Variants in TFAP2A observed in about 807,000 individuals in gnomAD.
The protein encoded by TFAP2A is transcription factor AP-2 alpha, also known as transcription factor AP-2-alpha.
In TFAP2A, 7 loss-of-function variants were observed where a neutral mutation model predicts 41.5. The observed-to-expected ratio is 0.17, with a 90% CI of 0.10 to 0.32. The LOEUF (loss-of-function observed/expected upper bound fraction) is 0.32. Among genes scored for constraint, TFAP2A ranks in the 10% least tolerant of loss-of-function variants. TFAP2A has a pLI of 1.00. For missense variants in TFAP2A, 416 were observed against 563.3 expected, an observed-to-expected ratio of 0.74 and a Z score of 2.65; for synonymous variants, 247 against 242.8, an observed-to-expected ratio of 1.02 and a Z score of -0.16.
chr6:10,416,473 A>C (rs1356194937), upstream of TFAP2A: 3 of 151,726 alleles, frequency 2.0e-5, no homozygotes, highest in Non-Finnish European at 4.4e-5. Context: ...TAGGAAATAC[A>C]GAGTAATTAA....
rs745441531 is a variant in TFAP2A at position 10,409,976 on chromosome 6, G to A, written c.411C>T (p.His137=). Reference sequence around the variant, plus strand: ...GTCCTGAGCTGAGCGCGTGTGGGCCGTGCAGGAGGTCCTCGTGCCGCCTGT... The same window carrying A: ...GTCCTGAGCTGAGCGCGTGTGGGCCATGCAGGAGGTCCTCGTGCCGCCTGT... ...RDYRRHEDLL[H]GPHALSSGLG... is the part of the protein sequence containing the mutation. Residue 137 remains histidine, a synonymous_variant, in exon 2 of 7, where the codon CAC becomes CAT. Coordinates refer to ENST00000379613, the MANE Select transcript of TFAP2A (RefSeq NM_001372066.1). 4 of 1,591,034 alleles carry A rather than the reference G, an allele frequency of 2.5e-6. No individual in the cohort carries two copies. In the East Asian group the frequency reaches 6.9e-5, roughly 27 times the overall value.
chr6:10,404,253 G>A (rs776679888), intron 4 of TFAP2A, among the ~76,000 whole-genome samples: 1 of 152,176 alleles, frequency 6.6e-6, no homozygotes. Context: ...GCGAGCGCGC[G>A]GCAGCGAACG....
Position 10,397,942 on chromosome 6 carries a change from A to C in TFAP2A, c.*475T>G. ...TTTTTTTTTTTTTAAGTATGGCTACAATCTGAACTGAAGTATGTAAGGGAA... is the reference window on the plus strand; with the variant it reads ...TTTTTTTTTTTTTAAGTATGGCTACCATCTGAACTGAAGTATGTAAGGGAA... On this transcript the variant is annotated 3_prime_UTR_variant, in exon 7 of 7. Transcript: ENST00000379613. 1.0e-6 allele frequency: 1 copy of C among 990,258 alleles called. No individual in the cohort carries two copies. The highest frequency in any genetic ancestry group is 4.6e-5 in the South Asian group (1 of 21,578). 61.3% of individuals were successfully genotyped at this position (990,258 alleles called of 1,614,324 possible). A position where few individuals can be genotyped will look rare whatever the true frequency, so the allele number is the denominator to read the frequency against.
chr6:10,411,185 G>T (rs1757952334), intron 1 of TFAP2A, among the ~76,000 whole-genome samples: 1 of 152,136 alleles, frequency 6.6e-6, no homozygotes, highest in Non-Finnish European at 1.5e-5. Flanking sequence ...CGGTTCGGCC[G>T]CAGGTCCCGA....
intron 5 of TFAP2A, among the ~76,000 whole-genome samples, chr6:10,401,772 G>A (rs573711869): frequency 6.6e-6 from 1 of 152,184 alleles, no homozygotes; most frequent in African/African-American, 2.4e-5. Context: ...GGCCAATCTT[G>A]TATCAGAAAA....
chr6:10,411,657 G>C, intron 1 of TFAP2A: 1 of 1,611,366 alleles, frequency 6.2e-7, no homozygotes, highest in Non-Finnish European at 8.5e-7. Flanking sequence ...TGGAGCGCCC[G>C]GCTGCCCCGC....
upstream of TFAP2A, among the ~76,000 whole-genome samples, chr6:10,418,890 C>T (rs565077851): frequency 7.9e-5 from 12 of 152,278 alleles, no homozygotes; most frequent in South Asian, 2.5e-3. Flanking sequence ...CATCTGGACC[C>T]CTTTCCATTC....
At position 10,398,069 on chromosome 6, in the gene TFAP2A, T is replaced by C. The variant is rs1761847443; in HGVS notation, c.*348A>G. On this transcript the variant is annotated 3_prime_UTR_variant, in exon 7 of 7. Coordinates refer to ENST00000379613, the MANE Select transcript of TFAP2A (RefSeq NM_001372066.1). This position sits in a 1 kb window ranked among gnomAD's most constrained non-coding sequence, Gnocchi z 5.3. ...TTGTTGTTGTTGTTGCTGTTGTTGA[T>C]TTGTTGTTTTGTTTAAAAAAAAAAG... 1.7e-6 allele frequency: 2 copies of C among 1,156,484 alleles called. No individual in the cohort carries two copies. Among genetic ancestry groups the C allele is most frequent in the East Asian group, 5.0e-5 (1 of 19,900 alleles). The allele number at this position is 1,156,484 out of a possible 1,614,324, so 71.6% of individuals were successfully genotyped here.
At chr6:10,416,992 G>A (rs907297677), upstream of TFAP2A, 12 of 152,322 alleles carry the variant, frequency 7.9e-5, no homozygotes, top group African/African-American at 2.9e-4. Flanking sequence ...GAAAATGGTC[G>A]ACTTTCCAGG....
chr6:10,410,146 G>C lies in TFAP2A; in HGVS notation c.241C>G (p.Pro81Ala), dbSNP rs1207350614. 21 of 1,611,362 alleles carry C rather than the reference G, an allele frequency of 1.3e-5. No individual in the cohort carries two copies. Among genetic ancestry groups the C allele is most frequent in the Non-Finnish European group, 1.8e-5 (21 of 1,179,406 alleles). ...SQDPYSHVND[P>A]YSLNPLHAQP... ...GCGTGCAGGGGGTTCAGGCTGTAGG[G>C]GTCGTTGACGTGGGAGTAAGGATCT... Residue 81 changes from proline (P) to alanine (A), a missense_variant, in exon 2 of 7, where the codon CCC (proline) becomes GCC (alanine). Pro to Ala is a conservative substitution (Grantham distance 27). Coordinates refer to ENST00000379613, the MANE Select transcript of TFAP2A (RefSeq NM_001372066.1).
At chr6:10,419,592 T>A, upstream of TFAP2A, 1 of 1,087,236 alleles carries the variant, frequency 9.2e-7, no homozygotes, top group Non-Finnish European at 1.4e-6. Flanking sequence ...AGAGCTGGGT[T>A]GCTACCTGCC....
intron 4 of TFAP2A, 37 bp downstream of exon 4, chr6:10,404,471 C>T: frequency 6.9e-7 from 1 of 1,450,098 alleles, no homozygotes; most frequent in South Asian, 1.4e-5. Context: ...TTCCCCCGGC[C>T]GCGGGGCGGG....
At chr6:10,408,220 A>C (rs1265992118) in intron 2 of TFAP2A, among the ~76,000 whole-genome samples, 1 of 152,198 alleles carries the variant, frequency 6.6e-6, no homozygotes, top group Non-Finnish European at 1.5e-5. Flanking sequence ...CTTTTTCTTG[A>C]CCCAAATTCC....
chr6:10,418,548 G>T (rs1356342881), upstream of TFAP2A: 1 of 152,308 alleles, frequency 6.6e-6, no homozygotes, highest in African/African-American at 2.4e-5. Context: ...CCTGGCCAGA[G>T]CCGCTCTGTT....
At chr6:10,410,453 C>T (rs1757913650) in intron 1 of TFAP2A, 118 bp from the exon 2 acceptor site, 4 of 1,011,692 alleles carry the variant, frequency 4.0e-6, no homozygotes, top group African/African-American at 1.6e-5. Context: ...GTTGGCTGGC[C>T]GCCGGGAAAA....
intron 1 of TFAP2A, among the ~76,000 whole-genome samples, chr6:10,411,344 C>T (rs1757959698): frequency 6.6e-6 from 1 of 151,590 alleles, no homozygotes; most frequent in African/African-American, 2.4e-5. Context: ...GGTAGGTCTG[C>T]GTGCTCGGAG....
chr6:10,400,214 T>TA (rs34587962), intron 6 of TFAP2A, among the ~76,000 whole-genome samples: 3,061 of 134,828 alleles, frequency 0.023, 46 homozygotes, highest in Middle Eastern at 0.07. Flanking sequence ...ACACACTCAT[T>TA]AAAAAAAAAA....
At chr6:10,402,224 G>C in intron 5 of TFAP2A, 1 of 541,964 alleles carries the variant, frequency 1.8e-6, no homozygotes, top group South Asian at 1.5e-5. Context: ...AGAATGTGCA[G>C]TTCTTAAACT....
At chr6:10,419,580 A>C, upstream of TFAP2A, 1 of 1,243,974 alleles carries the variant, frequency 8.0e-7, no homozygotes, top group Admixed American at 1.7e-5. Context: ...ACCTGGTCAT[A>C]AAGAGCTGGG....
Sources: gnomAD v4.1 joint callset for allele counts (sites outside exome capture counted in the v4.1 genomes callset) on GRCh38, gnomAD v4.1.1 for gene constraint, Gnocchi (gnomAD v3.1) non-coding constraint, MANE v1.5 for transcripts, NCBI Gene and HGNC (gene_info 2026-07-23, HGNC 2026-07-21) for gene names.